The following CDH10 variants were observed in gnomAD, a reference collection of about 807,000 sequenced individuals.
CDH10 encodes cadherin 10, also known as cadherin-10.
Under a neutral mutation model 73.1 loss-of-function variants are expected in CDH10, and 30 were observed. The observed-to-expected ratio is 0.41, with a 90% CI of 0.31 to 0.56. CDH10 has a LOEUF of 0.56. CDH10 is among the 20% of genes least tolerant of loss of function. CDH10 has a pLI of 0.27. For synonymous variants in CDH10, 345 were observed against 348.2 expected (o/e 0.99, Z 0.10); for missense variants, 815 against 973.7 (o/e 0.84, Z 2.17).
At chr5:24,562,062 A>C (rs907241383) in intron 2 of CDH10, among the ~76,000 whole-genome samples, 1 of 152,266 alleles carries the variant, frequency 6.6e-6, no homozygotes, top group Non-Finnish European at 1.5e-5. Flanking sequence ...ACTGTGCAAC[A>C]GTTAGATGCA....
At chr5:24,623,553 T>TG (rs1747388905) in intron 1 of CDH10, among the ~76,000 whole-genome samples, 1 of 152,158 alleles carries the variant, frequency 6.6e-6, no homozygotes, top group Non-Finnish European at 1.5e-5. Flanking sequence ...TGGAAAATGA[T>TG]GCAATATTAG....
intron 2 of CDH10, among the ~76,000 whole-genome samples, chr5:24,543,942 A>G (rs1215156531): frequency 6.6e-6 from 1 of 152,180 alleles, no homozygotes; most frequent in Non-Finnish European, 1.5e-5. Context: ...GCACTGTTTC[A>G]ATATTAATGT....
chr5:24,556,095 T>G (rs550187562), intron 2 of CDH10, among the ~76,000 whole-genome samples: 1 of 152,130 alleles, frequency 6.6e-6, no homozygotes, highest in East Asian at 1.9e-4. Flanking sequence ...ACAAAAATAA[T>G]GCAAATTTAA....
chr5:24,487,541 G>A lies in CDH10; in HGVS notation c.*122C>T. 1 of 860,036 alleles carries A rather than the reference G, an allele frequency of 1.2e-6. No homozygotes were observed. Among genetic ancestry groups the A allele is most frequent in the Non-Finnish European group, 1.8e-6 (1 of 541,644 alleles). The allele number at this position is 860,036 out of a possible 1,614,324, so 53.3% of individuals were successfully genotyped here. Reference sequence around the variant, plus strand: ...ATGTAATTAATGAACAAATTAAGAAGTAAATGAGAAAAAAAATTGTGCTGA... The same window carrying A: ...ATGTAATTAATGAACAAATTAAGAAATAAATGAGAAAAAAAATTGTGCTGA... On this transcript the variant is annotated 3_prime_UTR_variant, in exon 12 of 12. Coordinates refer to ENST00000264463, the MANE Select transcript of CDH10 (RefSeq NM_006727.5).
chr5:24,531,799 G>C (rs1310741434), intron 5 of CDH10, among the ~76,000 whole-genome samples: 1 of 151,922 alleles, frequency 6.6e-6, no homozygotes, highest in Non-Finnish European at 1.5e-5. Context: ...TTGGTGCAAG[G>C]GTGATCTCAA....
chr5:24,502,988 A>C (rs1279401357), intron 8 of CDH10, among the ~76,000 whole-genome samples: 1 of 152,220 alleles, frequency 6.6e-6, no homozygotes, highest in Non-Finnish European at 1.5e-5. Context: ...AAGGGGCTAT[A>C]AATAGATATT....
chr5:24,638,936 G>C (rs1317515230), intron 1 of CDH10, among the ~76,000 whole-genome samples: 3 of 151,562 alleles, frequency 2.0e-5, no homozygotes, highest in Admixed American at 2.0e-4. Flanking sequence ...TCATGTTTTT[G>C]ATCTTATTAG....
At chr5:24,580,036 C>CT (rs1187108823) in intron 2 of CDH10, among the ~76,000 whole-genome samples, 1 of 152,136 alleles carries the variant, frequency 6.6e-6, no homozygotes, top group Non-Finnish European at 1.5e-5. Context: ...AGGCCAAAAT[C>CT]TTTGACTTAG....
chr5:24,593,743 A>G (rs892545708), intron 1 of CDH10, 130 bp from the exon 2 acceptor site: 2 of 445,394 alleles, frequency 4.5e-6, no homozygotes, highest in South Asian at 3.6e-5. Context: ...TTTTCATACA[A>G]TAACGGATAG....
At chr5:24,543,683 A>G (rs902893849) in intron 2 of CDH10, among the ~76,000 whole-genome samples, 1 of 152,176 alleles carries the variant, frequency 6.6e-6, no homozygotes, top group African/African-American at 2.4e-5. Context: ...AATAACTTTA[A>G]ATTTGCACCC....
chr5:24,501,253 A>T (rs115328883), intron 8 of CDH10, among the ~76,000 whole-genome samples: 1,709 of 152,312 alleles, frequency 0.011, 19 homozygotes, highest in Non-Finnish European at 0.017. Context: ...TTCCGTCGTC[A>T]GCCCCTTCCC....
At chr5:24,580,079 A>G (rs1745741709) in intron 2 of CDH10, among the ~76,000 whole-genome samples, 1 of 152,132 alleles carries the variant, frequency 6.6e-6, no homozygotes, top group Non-Finnish European at 1.5e-5. Flanking sequence ...CAAAAACTCC[A>G]TATATAATAC....
At chr5:24,565,790 T>A (rs1013012081) in intron 2 of CDH10, among the ~76,000 whole-genome samples, 15 of 151,628 alleles carry the variant, frequency 9.9e-5, no homozygotes, top group Admixed American at 9.2e-4. Flanking sequence ...CACCCACACA[T>A]ACACCTTGGA....
intron 2 of CDH10, among the ~76,000 whole-genome samples, chr5:24,564,375 C>T (rs1745090474): frequency 6.6e-6 from 1 of 152,166 alleles, no homozygotes; most frequent in African/African-American, 2.4e-5. Flanking sequence ...ATTCATCCTT[C>T]TTACAGGGTC....
intron 7 of CDH10, among the ~76,000 whole-genome samples, chr5:24,505,837 C>CG (rs1742678678): frequency 6.6e-6 from 1 of 152,110 alleles, no homozygotes; most frequent in African/African-American, 2.4e-5. Context: ...TCTGGATGGC[C>CG]GGGCACAGGG....
In CDH10 at chr5:24,519,390, T is replaced by A. The variant is rs865981623; in HGVS notation, c.815-7876A>T. ...TTGATAAATCAGTCTATACTCAAACTAAAACCTTCTATAAAATAAAGACAA... is the reference window on the plus strand; with the variant it reads ...TTGATAAATCAGTCTATACTCAAACAAAAACCTTCTATAAAATAAAGACAA... On this transcript the variant is annotated intron_variant, in intron 5 of 11. Transcript: ENST00000264463. Among the ~76,000 whole-genome samples the A allele has an allele frequency of 5.3e-5, 8 of 152,250 alleles. 1 individual carries two copies. In the South Asian group the frequency reaches 1.7e-3, roughly 32 times the overall value.
At chr5:24,494,259 T>C (rs1427672394) in intron 9 of CDH10, among the ~76,000 whole-genome samples, 1 of 151,922 alleles carries the variant, frequency 6.6e-6, no homozygotes, top group Non-Finnish European at 1.5e-5. Flanking sequence ...TCTATTAAAA[T>C]TAATAAAGTC....
chr5:24,589,790 A>G (rs930785428), intron 2 of CDH10, among the ~76,000 whole-genome samples: 1 of 152,128 alleles, frequency 6.6e-6, no homozygotes, highest in Non-Finnish European at 1.5e-5. Flanking sequence ...ATTAGAAACT[A>G]CATGTAAAAA....
chr5:24,607,923 A>G (rs1746814495), intron 1 of CDH10, among the ~76,000 whole-genome samples: 1 of 152,196 alleles, frequency 6.6e-6, no homozygotes, highest in South Asian at 2.1e-4. Flanking sequence ...TCTATATTTT[A>G]AAGCAGGCCC....
Sources: gnomAD v4.1 joint callset for allele counts (sites outside exome capture counted in the v4.1 genomes callset) on GRCh38, gnomAD v4.1.1 for gene constraint, MANE v1.5 for transcripts, NCBI Gene and HGNC (gene_info 2026-07-23, HGNC 2026-07-21) for gene names.